Variants in NGEF observed in about 807,000 individuals in gnomAD.
NGEF encodes neuronal guanine nucleotide exchange factor.
Under a neutral mutation model 80.9 loss-of-function variants are expected in NGEF, and 31 were observed. The observed-to-expected ratio is 0.38, with a 90% CI of 0.29 to 0.52. NGEF has a LOEUF of 0.52. Ranked by LOEUF, NGEF falls within the 20% of genes least tolerant of loss-of-function variation. The pLI is 0.84. For missense variants in NGEF, 709 were observed against 926.2 expected (o/e 0.77, Z 3.04); for synonymous variants, 371 against 370.2 (o/e 1.00, Z -0.03).
intron 4 of NGEF, among the ~76,000 whole-genome samples, chr2:232,923,360 T>TAA (rs1692987399): frequency 6.6e-6 from 1 of 152,090 alleles, no homozygotes; most frequent in African/African-American, 2.4e-5. Flanking sequence ...CATGCCCCTC[T>TAA]CCCCGGTTGG....
chr2:232,933,321 C>T (rs1693257228), intron 3 of NGEF, among the ~76,000 whole-genome samples: 1 of 152,014 alleles, frequency 6.6e-6, no homozygotes, highest in African/African-American at 2.4e-5. Context: ...CACCCACCGT[C>T]TCCCCCAGCT....
intron 1 of NGEF, among the ~76,000 whole-genome samples, chr2:233,000,421 G>T (rs1455714572): frequency 6.6e-6 from 1 of 151,900 alleles, no homozygotes; most frequent in African/African-American, 2.4e-5. Flanking sequence ...TGAGGGTACT[G>T]ATTCCATCAT....
chr2:233,009,648 A>AAT (rs1227298471), intron 1 of NGEF, among the ~76,000 whole-genome samples: 2 of 151,906 alleles, frequency 1.3e-5, no homozygotes, highest in Non-Finnish European at 2.9e-5. Context: ...AAAAAAAAAA[A>AAT]AAGTAAAACT....
chr2:232,945,052 T>C (rs1002212908), intron 3 of NGEF, among the ~76,000 whole-genome samples: 2 of 152,046 alleles, frequency 1.3e-5, no homozygotes, highest in African/African-American at 4.8e-5. Flanking sequence ...ACGCCTGGCC[T>C]ATAGTTTTGA....
intron 3 of NGEF, among the ~76,000 whole-genome samples, chr2:232,950,400 A>T (rs1693653308): frequency 6.6e-6 from 1 of 152,242 alleles, no homozygotes; most frequent in Non-Finnish European, 1.5e-5. Flanking sequence ...TTGTAGATCA[A>T]ATATCAGTGA....
chr2:232,946,428 A>G (rs1693559854), intron 3 of NGEF, among the ~76,000 whole-genome samples: 1 of 152,212 alleles, frequency 6.6e-6, no homozygotes, highest in South Asian at 2.1e-4. Flanking sequence ...CCAATAACCT[A>G]TGGAAATAAA....
chr2:233,001,752 G>T (rs979272022), intron 1 of NGEF, among the ~76,000 whole-genome samples: 1 of 151,906 alleles, frequency 6.6e-6, no homozygotes, highest in Non-Finnish European at 1.5e-5. Context: ...GGTGGCGTGC[G>T]CCTGTAATCC....
intron 5 of NGEF, among the ~76,000 whole-genome samples, chr2:232,900,048 ACG>A (rs1692256994): frequency 2.2e-5 from 3 of 138,734 alleles, no homozygotes; most frequent in African/African-American, 8.4e-5. Flanking sequence ...TCACACACAC[ACG>A]CTCTCACAGT....
chr2:232,939,743 AT>A (rs1194023221), intron 3 of NGEF, among the ~76,000 whole-genome samples: 1 of 152,164 alleles, frequency 6.6e-6, no homozygotes, highest in Non-Finnish European at 1.5e-5. Flanking sequence ...CATGCCTGTA[AT>A]CCCAGCACTT....
At chr2:232,994,195 C>A (rs1694728865) in intron 1 of NGEF, among the ~76,000 whole-genome samples, 1 of 151,866 alleles carries the variant, frequency 6.6e-6, no homozygotes, top group Non-Finnish European at 1.5e-5. Context: ...CATGGTGAAA[C>A]CCCATCTCTA....
intron 3 of NGEF, among the ~76,000 whole-genome samples, chr2:232,962,965 T>A (rs11897117): frequency 0.59 from 88,980 of 151,724 alleles, 27,884 homozygotes; most frequent in African/African-American, 0.81. Context: ...AACGTATGCA[T>A]TAAACCTGAA....
intron 1 of NGEF, among the ~76,000 whole-genome samples, chr2:232,997,796 A>G (rs1416461415): frequency 6.6e-6 from 1 of 151,728 alleles, no homozygotes; most frequent in Non-Finnish European, 1.5e-5. Context: ...CGGGGGTGTT[A>G]GCTGATGGCT....
At chr2:232,937,320 C>A (rs1693348739) in intron 3 of NGEF, among the ~76,000 whole-genome samples, 1 of 152,208 alleles carries the variant, frequency 6.6e-6, no homozygotes, top group Non-Finnish European at 1.5e-5. Flanking sequence ...CCTTCCTTTC[C>A]TCTGGTCTCT....
chr2:232,976,030 GTC>G (rs1333780963), intron 1 of NGEF, among the ~76,000 whole-genome samples: 3 of 152,096 alleles, frequency 2.0e-5, no homozygotes, highest in Non-Finnish European at 4.4e-5. Context: ...GAGAAACCCT[GTC>G]TCTACTAAAA....
chr2:232,970,091 C>A, intron 3 of NGEF, 123 bp downstream of exon 3: 1 of 459,966 alleles, frequency 2.2e-6, no homozygotes, highest in Non-Finnish European at 3.8e-6. Flanking sequence ...TTAGCACGGG[C>A]AACCAAAAGT....
chr2:232,917,661 T>A (rs1357382094), intron 5 of NGEF, among the ~76,000 whole-genome samples: 1 of 151,986 alleles, frequency 6.6e-6, no homozygotes, highest in Non-Finnish European at 1.5e-5. Context: ...AGTAGATGAA[T>A]AAGATGACAA....
chr2:232,966,076 G>A (rs1168834933), intron 3 of NGEF, among the ~76,000 whole-genome samples: 2 of 152,200 alleles, frequency 1.3e-5, no homozygotes, highest in African/African-American at 2.4e-5. Flanking sequence ...ATTAAAGAGA[G>A]CAGCCCAAAG....
intron 1 of NGEF, among the ~76,000 whole-genome samples, chr2:232,977,788 A>T (rs1238041406): frequency 6.6e-6 from 1 of 152,000 alleles, no homozygotes; most frequent in Non-Finnish European, 1.5e-5. Context: ...GTGGTGGGGG[A>T]CATAGAGCAC....
At chr2:232,967,985 A>C (rs997431366) in intron 3 of NGEF, among the ~76,000 whole-genome samples, 4 of 152,090 alleles carry the variant, frequency 2.6e-5, no homozygotes, top group Admixed American at 1.3e-4. Flanking sequence ...AAAACAGCAA[A>C]AATTTGAAAC....
Sources: gnomAD v4.1 joint callset for allele counts (sites outside exome capture counted in the v4.1 genomes callset) on GRCh38, gnomAD v4.1.1 for gene constraint, MANE v1.5 for transcripts, NCBI Gene and HGNC (gene_info 2026-07-23, HGNC 2026-07-21) for gene names.